SULT2B1: variants seen among roughly 807,000 people sequenced by gnomAD.
SULT2B1 encodes the protein sulfotransferase family 2B member 1.
In SULT2B1, 16 loss-of-function variants were observed where a neutral mutation model predicts 33.2. The observed-to-expected ratio is 0.48, with a 90% CI of 0.33 to 0.73. The LOEUF is 0.73. Among genes scored for constraint, SULT2B1 ranks in the 30% least tolerant of loss-of-function variants. SULT2B1 has a pLI of 0.02. For missense variants in SULT2B1, 500 were observed against 506.0 expected (o/e 0.99, Z 0.11); for synonymous variants, 186 against 200.5 (o/e 0.93, Z 0.61).
At chr19:48,595,152 C>T (rs1187487992) in intron 5 of SULT2B1, among the ~76,000 whole-genome samples, 4 of 152,174 alleles carry the variant, frequency 2.6e-5, no homozygotes, top group South Asian at 2.1e-4. Context: ...CGTGGTGGCA[C>T]ATGCCTGTAA....
At chr19:48,598,623 C>G (rs1029902609) in intron 6 of SULT2B1, among the ~76,000 whole-genome samples, 6 of 152,040 alleles carry the variant, frequency 3.9e-5, no homozygotes, top group Non-Finnish European at 7.4e-5. Flanking sequence ...TGGAGGGTTC[C>G]TGAGGCTCGC....
At chr19:48,564,447 G>A (rs113033539) in intron 1 of SULT2B1, among the ~76,000 whole-genome samples, 6,093 of 149,728 alleles carry the variant, frequency 0.041, 151 homozygotes, top group Middle Eastern at 0.082. Flanking sequence ...CAGCTACTTG[G>A]GAGGCTGAGG....
intron 1 of SULT2B1, among the ~76,000 whole-genome samples, chr19:48,553,504 G>C (rs755377096): frequency 6.6e-6 from 1 of 152,106 alleles, no homozygotes; most frequent in Admixed American, 6.6e-5. Flanking sequence ...GTAGAGAAAG[G>C]GTTTCACCAT....
Position 48,562,923 on chromosome 19 carries a change from G to T in SULT2B1, c.71+10600G>T, listed in dbSNP as rs144728939. Among the ~76,000 whole-genome samples the T allele has an allele frequency of 4.2e-3, 634 of 151,958 alleles. 2 individuals are homozygous for T. Among genetic ancestry groups the T allele is most frequent in the African/African-American group, 0.014 (592 of 41,438 alleles). ...TTGAACTCCCAACCTTAAGTGATCC[G>T]CCTGCCTTGGCCTCCCAAAGTGCTG... On this transcript the variant is annotated intron_variant, in intron 1 of 6. Coordinates refer to ENST00000201586, the MANE Select transcript of SULT2B1 (RefSeq NM_177973.2).
intron 1 of SULT2B1, among the ~76,000 whole-genome samples, chr19:48,573,089 G>T (rs1159303383): frequency 6.6e-6 from 1 of 151,534 alleles, no homozygotes; most frequent in Non-Finnish European, 1.5e-5. Context: ...CTTGGAAGGC[G>T]GAGGTTGCAG....
intron 1 of SULT2B1, among the ~76,000 whole-genome samples, chr19:48,566,056 G>A (rs1032614161): frequency 1.3e-5 from 2 of 151,926 alleles, no homozygotes; most frequent in Admixed American, 6.6e-5. Context: ...GGGACTACAG[G>A]CGCACACCAC....
chr19:48,553,747 A>G (rs993152159), intron 1 of SULT2B1, among the ~76,000 whole-genome samples: 1 of 152,124 alleles, frequency 6.6e-6, no homozygotes, highest in Non-Finnish European at 1.5e-5. Context: ...TGTGACCTAG[A>G]CAAGCTTCCT....
intron 1 of SULT2B1, among the ~76,000 whole-genome samples, chr19:48,565,627 G>C (rs1973234313): frequency 6.6e-6 from 1 of 152,074 alleles, no homozygotes; most frequent in Admixed American, 6.6e-5. Context: ...TGATCTGCCT[G>C]CCTCGGCCTT....
chr19:48,565,978 T>A (rs550791252), intron 1 of SULT2B1, among the ~76,000 whole-genome samples: 20 of 150,856 alleles, frequency 1.3e-4, no homozygotes, highest in African/African-American at 4.6e-4. Flanking sequence ...AATGGCATGG[T>A]CTTGGCTCAC....
chr19:48,555,787 T>G (rs1288632135), intron 1 of SULT2B1, among the ~76,000 whole-genome samples: 1 of 152,026 alleles, frequency 6.6e-6, no homozygotes, highest in Non-Finnish European at 1.5e-5. Flanking sequence ...TCACCCAGGC[T>G]GGAGTGCAGT....
chr19:48,555,929 G>A (rs935724766), intron 1 of SULT2B1, among the ~76,000 whole-genome samples: 7 of 151,886 alleles, frequency 4.6e-5, no homozygotes, highest in South Asian at 2.1e-4. Context: ...TAGTAGAAAC[G>A]GGGTTTCACC....
intron 2 of SULT2B1, among the ~76,000 whole-genome samples, chr19:48,579,593 T>TTTC (rs1555733735): frequency 0.011 from 1,266 of 110,894 alleles, 44 homozygotes; most frequent in African/African-American, 0.042. Flanking sequence ...TTTTCTTTTC[T>TTTC]TTTCTTTCTT....
chr19:48,569,738 C>T (rs1430994011), intron 1 of SULT2B1, among the ~76,000 whole-genome samples: 1 of 151,578 alleles, frequency 6.6e-6, no homozygotes, highest in African/African-American at 2.4e-5. Flanking sequence ...ATGATCCCAG[C>T]TCACCATGAC....
In SULT2B1 at chr19:48,588,508, G is replaced by A. The variant is rs1293623571; in HGVS notation, c.423+1071G>A. 6.2e-5 allele frequency among the ~76,000 whole-genome samples: 9 copies of A among 146,214 alleles called. 1 individual carries two copies. Among genetic ancestry groups the A allele is most frequent in the African/African-American group, 2.6e-5 (1 of 38,096 alleles). On this transcript the variant is annotated intron_variant, in intron 3 of 6. Coordinates refer to ENST00000201586, the MANE Select transcript of SULT2B1 (RefSeq NM_177973.2). Reference sequence around the variant, plus strand: ...GCCTGGGCAACAAAAGCAAAACTCCGTCTCAAAAAAAAAACCCCCATATAT... The same window carrying A: ...GCCTGGGCAACAAAAGCAAAACTCCATCTCAAAAAAAAAACCCCCATATAT...
intron 3 of SULT2B1, among the ~76,000 whole-genome samples, chr19:48,588,780 A>G (rs1160022841): frequency 6.6e-6 from 1 of 152,032 alleles, no homozygotes; most frequent in African/African-American, 2.4e-5. Context: ...GGTGGGAGCC[A>G]CAGAGGTTTC....
intron 2 of SULT2B1, among the ~76,000 whole-genome samples, chr19:48,578,334 C>T (rs1973441181): frequency 6.6e-6 from 1 of 152,128 alleles, no homozygotes; most frequent in South Asian, 2.1e-4. Flanking sequence ...ATAATCCCAA[C>T]ATTTTGGGAG....
chr19:48,594,785 G>A (rs1457115953), intron 5 of SULT2B1, among the ~76,000 whole-genome samples: 4 of 152,154 alleles, frequency 2.6e-5, no homozygotes, highest in East Asian at 3.8e-4. Flanking sequence ...TTGGGAGGCC[G>A]AGGCAGGCAG....
At chr19:48,594,975 T>G (rs889366004) in intron 5 of SULT2B1, among the ~76,000 whole-genome samples, 1 of 150,994 alleles carries the variant, frequency 6.6e-6, no homozygotes, top group Non-Finnish European at 1.5e-5. Flanking sequence ...TAAGCTGAGA[T>G]AGCACCACTG....
chr19:48,589,348 G>A (rs1030764693), intron 3 of SULT2B1, among the ~76,000 whole-genome samples: 7 of 152,134 alleles, frequency 4.6e-5, no homozygotes, highest in East Asian at 3.9e-4. Flanking sequence ...AGGAAGACAC[G>A]GGCTCTGCGG....
Sources: allele counts gnomAD v4.1 joint callset (sites outside exome capture counted in the v4.1 genomes callset), GRCh38; gene constraint gnomAD v4.1.1; transcripts MANE v1.5; gene names NCBI Gene and HGNC (gene_info 2026-07-23, HGNC 2026-07-21).